C15orf39: variants seen among roughly 807,000 people sequenced by gnomAD.
The protein encoded by C15orf39 is PRMT2 interacting protein, also known as uncharacterized protein C15orf39.
A neutral mutation model predicts 53.9 loss-of-function variants in C15orf39; 24 were observed. That is an observed-to-expected ratio of 0.45 (90% CI 0.32 to 0.63). The LOEUF (loss-of-function observed/expected upper bound fraction) is 0.63. Among genes scored for constraint, C15orf39 ranks in the 20% least tolerant of loss-of-function variants. C15orf39 has a pLI of 0.04. For missense variants in C15orf39, 1,271 were observed against 1,347.9 expected (o/e 0.94, Z 0.89); for synonymous variants, 569 against 576.5 (o/e 0.99, Z 0.19).
rs750471501 is a variant in C15orf39, at chr15:75,206,714, C to T, written c.666C>T (p.Ser222=). ...TGGAGAAATATCAGACCATCCACAGCACGGGCTTCCTGGCCTCCAGGTACA... is the reference window on the plus strand; with the variant it reads ...TGGAGAAATATCAGACCATCCACAGTACGGGCTTCCTGGCCTCCAGGTACA... ...PFLEKYQTIH[S]TGFLASRYTG... Residue 222 remains serine, a synonymous_variant, in exon 2 of 3, where the codon AGC becomes AGT. Transcript: ENST00000394987. 4.3e-6 allele frequency: 7 copies of T among 1,613,794 alleles called. No individual in the cohort carries two copies. The Admixed American group carries it at 1.0e-4, about 23-fold the overall frequency.
chr15:75,199,559 A>G (rs531479113), upstream of C15orf39, among the ~76,000 whole-genome samples: 1 of 152,348 alleles, frequency 6.6e-6, no homozygotes, highest in South Asian at 2.1e-4. Flanking sequence ...GTGTGGCCTC[A>G]TTAGAGGGAG....
At chr15:75,205,893 G>T (rs959240291) in intron 1 of C15orf39, 106 bp from the exon 2 acceptor site, 1 of 730,280 alleles carries the variant, frequency 1.4e-6, no homozygotes, top group Non-Finnish European at 2.2e-6. Context: ...TCATTTAAGC[G>T]CCAGGTTCTT....
Position 75,208,525 on chromosome 15 carries a change from A to G in C15orf39, c.2477A>G (p.Asp826Gly). 6.3e-7 allele frequency: 1 copy of G among 1,580,178 alleles called. No individual in the cohort carries two copies. ...AKLLSQLQRF[D>G]RTHRCPFPHV... ...CTGCTGTCTCAGCTGCAGCGCTTCGATCGCACCCACCGGTGCCCCTTCCCC... is the reference window on the plus strand; with the variant it reads ...CTGCTGTCTCAGCTGCAGCGCTTCGGTCGCACCCACCGGTGCCCCTTCCCC... The change falls in exon 2 of 3, where the codon GAT becomes GGT. Residue 826 changes from aspartate (D) to glycine (G), a missense_variant. Coordinates refer to ENST00000394987, the MANE Select transcript of C15orf39 (RefSeq NM_015492.5).
rs2070448566 is a variant in C15orf39, at chr15:75,207,410, C to T, written c.1362C>T (p.Leu454=). Residue 454 remains leucine (L), a synonymous_variant, in exon 2 of 3, where the codon CTC becomes CTT. Transcript: ENST00000394987. The part of the protein sequence containing the change: ...SCRKEKLQPR[L]SEHSGPPIVI... ...GGAAAGAGAAGCTCCAGCCCCGGCT[C>T]AGTGAGCACTCTGGGCCGCCCATCG... 3.1e-6 allele frequency: 5 copies of T among 1,613,456 alleles called. No individual in the cohort carries two copies. The highest frequency in any genetic ancestry group is 2.2e-5 in the South Asian group (2 of 91,080).
chr15:75,202,829 T>C (rs913931662), intron 1 of C15orf39, among the ~76,000 whole-genome samples: 22 of 152,104 alleles, frequency 1.4e-4, no homozygotes, highest in African/African-American at 2.9e-4. Flanking sequence ...GCCTGCTGGA[T>C]GCACGTGCGT....
At position 75,207,757 on chromosome 15, in the gene C15orf39, A is replaced by G. The variant is rs748670802; in HGVS notation, c.1709A>G (p.Glu570Gly). The G allele has an allele frequency of 1.2e-6, 2 of 1,609,770 alleles. No individual in the cohort carries two copies. Among genetic ancestry groups the G allele is most frequent in the Non-Finnish European group, 1.7e-6 (2 of 1,178,006 alleles). ...GSKPLRGSLK[E>G]EVALDLSVRK... Reference sequence around the variant, plus strand: ...AAACCCCTAAGGGGCTCACTTAAGGAGGAGGTAGCCCTGGATTTGAGTGTG... The same window carrying G: ...AAACCCCTAAGGGGCTCACTTAAGGGGGAGGTAGCCCTGGATTTGAGTGTG... Residue 570 changes from glutamate to glycine, a missense_variant, in exon 2 of 3, where the codon GAG (glutamate) becomes GGG (glycine). By Grantham distance (98) the Glu-to-Gly change is moderately conservative. Transcript: ENST00000394987.
At chr15:75,204,083 C>G (rs903695957) in intron 1 of C15orf39, among the ~76,000 whole-genome samples, 5 of 152,196 alleles carry the variant, frequency 3.3e-5, no homozygotes, top group Non-Finnish European at 1.5e-5. Context: ...GCCGGTCTAA[C>G]TCAGCCTGTG....
intron 2 of C15orf39, chr15:75,209,044 G>A: frequency 1.3e-6 from 1 of 766,510 alleles, no homozygotes; most frequent in Non-Finnish European, 2.0e-6. Context: ...CATGCCAGCT[G>A]CTCTGTCCCC....
chr15:75,207,241 C>T lies in C15orf39; in HGVS notation c.1193C>T (p.Pro398Leu). ...YGASPGLGGT[P>L]PSQNNVRAVP... Reference sequence around the variant, plus strand: ...GCATCCCCTGGGCTTGGAGGGACACCACCTTCCCAGAACAATGTGCGGGCT... The same window carrying T: ...GCATCCCCTGGGCTTGGAGGGACACTACCTTCCCAGAACAATGTGCGGGCT... The change falls in exon 2 of 3, where the codon CCA becomes CTA. Residue 398 changes from proline (P) to leucine (L), a missense_variant. By Grantham distance (98) the Pro-to-Leu change is moderately conservative. Transcript: ENST00000394987. 6.2e-7 allele frequency: 1 copy of T among 1,613,706 alleles called. No homozygotes were observed. The highest frequency in any genetic ancestry group is 8.5e-7 in the Non-Finnish European group (1 of 1,179,982).
Position 75,208,442 on chromosome 15 carries a change from G to A in C15orf39, c.2394G>A (p.Gly798=), listed in dbSNP as rs760426230. 1.1e-5 allele frequency: 18 copies of A among 1,604,802 alleles called. No individual in the cohort carries two copies. In the South Asian group the frequency reaches 1.9e-4, roughly 17 times the overall value. Residue 798 remains glycine (G), a synonymous_variant, in exon 2 of 3, where the codon GGG becomes GGA. Coordinates refer to ENST00000394987, the MANE Select transcript of C15orf39 (RefSeq NM_015492.5). The part of the protein sequence containing the change: ...EKLREWLETA[G]PWGQAAWQDC... ...TTCGCGAGTGGCTAGAGACGGCTGG[G>A]CCCTGGGGCCAGGCTGCGTGGCAGG...
At position 75,208,702 on chromosome 15, in the gene C15orf39, G is replaced by A. The variant is rs779240527; in HGVS notation, c.2654G>A (p.Arg885Gln). Residue 885 changes from arginine to glutamine, a missense_variant, in exon 2 of 3, where the codon CGG (arginine) becomes CAG (glutamine). Around this residue, in one of 2 missense-constraint regions of C15orf39, gnomAD observed 277 missense variants for 354.1 expected, o/e 0.78. Coordinates refer to ENST00000394987, the MANE Select transcript of C15orf39 (RefSeq NM_015492.5). ...PTTLSEERALRELALPGCTSR... is the reference protein window; with the variant it reads ...PTTLSEERALQELALPGCTSR... Reference sequence around the variant, plus strand: ...ACGCTGTCGGAGGAGCGGGCACTGCGGGAGCTCGCCCTGCCAGGCTGCACC... The same window carrying A: ...ACGCTGTCGGAGGAGCGGGCACTGCAGGAGCTCGCCCTGCCAGGCTGCACC... 1.1e-5 allele frequency: 18 copies of A among 1,607,112 alleles called. No individual in the cohort carries two copies. The highest frequency in any genetic ancestry group is 1.4e-5 in the Non-Finnish European group (17 of 1,179,428).
At chr15:75,203,241 C>A (rs1177936319) in intron 1 of C15orf39, among the ~76,000 whole-genome samples, 5 of 152,362 alleles carry the variant, frequency 3.3e-5, no homozygotes, top group African/African-American at 1.2e-4. Context: ...TTTCCCACTG[C>A]GTAAGGCAGG....
Position 75,205,989 on chromosome 15 carries a change from T to C in C15orf39, c.-50-10T>C, listed in dbSNP as rs139089591. 104 of 1,466,226 alleles carry C rather than the reference T, an allele frequency of 7.1e-5. 1 individual carries two copies. The Middle Eastern group carries it at 1.5e-3, about 20-fold the overall frequency. 90.8% of individuals were successfully genotyped at this position (1,466,226 alleles called of 1,614,324 possible). Reference sequence around the variant, plus strand: ...TCCTGACAGCCCCTGCCTTTCTCTCTCTATCCCAGGTCAGAAGTTGAGTAG... The same window carrying C: ...TCCTGACAGCCCCTGCCTTTCTCTCCCTATCCCAGGTCAGAAGTTGAGTAG... On this transcript the variant is annotated splice_polypyrimidine_tract_variant and intron_variant, in intron 1 of 2. Coordinates refer to ENST00000394987, the MANE Select transcript of C15orf39 (RefSeq NM_015492.5).
upstream of C15orf39, among the ~76,000 whole-genome samples, chr15:75,200,718 C>G (rs375140727): frequency 7.2e-5 from 11 of 152,264 alleles, no homozygotes; most frequent in East Asian, 2.1e-3. Context: ...TGCTGAGTGA[C>G]CTGGGGAAAG....
upstream of C15orf39, chr15:75,201,828 C>A (rs943861259): frequency 2.0e-5 from 3 of 151,898 alleles, no homozygotes; most frequent in Admixed American, 1.3e-4. The surrounding 1 kb of genome is among the most constrained non-coding windows in gnomAD (Gnocchi z 4.7). Context: ...CTTCCCCAAC[C>A]CTGCGAGTCG....
rs146997873 is a variant in C15orf39, at chr15:75,210,992, G to T, written c.3020G>T (p.Arg1007Leu). ...PPGPTLKARF[R>L]SLLETAWLNG... ...GGCCCCACACTGAAGGCCCGCTTCC[G>T]CAGTCTGCTGGAGACCGCCTGGCTC... is the stretch of plus-strand genomic sequence containing the variant. Residue 1007 changes from arginine to leucine, a missense_variant, in exon 3 of 3, where the codon CGC (arginine) becomes CTC (leucine). Physicochemically the swap from Arg to Leu is moderately radical, Grantham distance 102 (BLOSUM62 -2). Around this residue, in one of 2 missense-constraint regions of C15orf39, gnomAD observed 277 missense variants for 354.1 expected, o/e 0.78. Coordinates refer to ENST00000394987, the MANE Select transcript of C15orf39 (RefSeq NM_015492.5). The T allele has an allele frequency of 6.2e-7, 1 of 1,612,646 alleles. No individual in the cohort carries two copies. The highest frequency in any genetic ancestry group is 8.5e-7 in the Non-Finnish European group (1 of 1,180,012).
rs199926268 is a variant in C15orf39, at chr15:75,211,009, G to A, written c.3037G>A (p.Ala1013Thr). 1.2e-5 allele frequency: 20 copies of A among 1,611,778 alleles called. No individual in the cohort carries two copies. In the Admixed American group the frequency reaches 1.3e-4, roughly 11 times the overall value. The change falls in exon 3 of 3, where the codon GCC becomes ACC. Residue 1013 changes from alanine to threonine, a missense_variant. Physicochemically the swap from Ala to Thr is moderately conservative, Grantham distance 58. This residue lies in a region of C15orf39 where 277 missense variants were observed against 354.1 expected (regional missense o/e 0.78). Coordinates refer to ENST00000394987, the MANE Select transcript of C15orf39 (RefSeq NM_015492.5). ...KARFRSLLET[A>T]WLNGLALPTW... Reference sequence around the variant, plus strand: ...CCGCTTCCGCAGTCTGCTGGAGACCGCCTGGCTCAATGGCCTGGCTCTGCC... The same window carrying A: ...CCGCTTCCGCAGTCTGCTGGAGACCACCTGGCTCAATGGCCTGGCTCTGCC...
At chr15:75,203,277 C>T (rs2070417417) in intron 1 of C15orf39, among the ~76,000 whole-genome samples, 1 of 152,256 alleles carries the variant, frequency 6.6e-6, no homozygotes. Context: ...GTGGGCTCTT[C>T]TCCGGGACCC....
In C15orf39 at chr15:75,206,629, T is replaced by C. The variant is rs749663017; in HGVS notation, c.581T>C (p.Val194Ala). 209 of 1,613,244 alleles carry C rather than the reference T, an allele frequency of 1.3e-4. No homozygotes were observed. The highest frequency in any genetic ancestry group is 1.7e-4 in the Non-Finnish European group (200 of 1,179,842). Reference sequence around the variant, plus strand: ...CTGGATGGCACCTTCTTGCGGGGGGTGCCAGCTGAGGGGTCCAGTAAAGAC... The same window carrying C: ...CTGGATGGCACCTTCTTGCGGGGGGCGCCAGCTGAGGGGTCCAGTAAAGAC... ...QTLDGTFLRGVPAEGSSKDSS... is the reference protein window; with the variant it reads ...QTLDGTFLRGAPAEGSSKDSS... Residue 194 changes from valine to alanine, a missense_variant, in exon 2 of 3, where the codon GTG (valine) becomes GCG (alanine). Val to Ala is a moderately conservative substitution (Grantham distance 64, BLOSUM62 0). Coordinates refer to ENST00000394987, the MANE Select transcript of C15orf39 (RefSeq NM_015492.5).
Sources: gnomAD v4.1 joint callset for allele counts (sites outside exome capture counted in the v4.1 genomes callset) on GRCh38, gnomAD v4.1.1 for gene constraint, gnomAD v4.1.1 regional missense constraint, Gnocchi (gnomAD v3.1) non-coding constraint, MANE v1.5 for transcripts, NCBI Gene and HGNC (gene_info 2026-07-23, HGNC 2026-07-21) for gene names.